Variants in LONRF2 observed in about 807,000 individuals in gnomAD.
LONRF2 encodes LON peptidase N-terminal domain and ring finger 2.
A neutral mutation model predicts 66.6 loss-of-function variants in LONRF2; 35 were observed. The observed-to-expected ratio is 0.53, with a 90% CI of 0.40 to 0.70. The LOEUF is 0.70. LONRF2 is among the 30% of genes least tolerant of loss of function. The pLI is 0.00. For synonymous variants in LONRF2, 417 were observed against 418.1 expected (o/e 1.00, Z 0.03); for missense variants, 902 against 1,002.1 (o/e 0.90, Z 1.35).
In LONRF2 at chr2:100,299,221, C is replaced by T; in HGVS notation, c.1361+5G>A. The T allele has an allele frequency of 1.3e-6, 2 of 1,574,422 alleles. No individual in the cohort carries two copies. Among genetic ancestry groups the T allele is most frequent in the Non-Finnish European group, 1.7e-6 (2 of 1,157,710 alleles). On this transcript the variant is annotated splice_donor_5th_base_variant and intron_variant, in intron 6 of 11. Transcript: ENST00000393437. ...AAGAGTTGCACGGATTCTGTACCAT[C>T]CTACCTCATGCAGAGGGCACACTCA...
At chr2:100,301,609 G>A (rs2105726516) in intron 3 of LONRF2, among the ~76,000 whole-genome samples, 1 of 152,330 alleles carries the variant, frequency 6.6e-6, no homozygotes, top group Non-Finnish European at 1.5e-5. Flanking sequence ...ATGTGAACAG[G>A]CTAACATTGT....
Position 100,277,407 on chromosome 2 carries a change from C to G in LONRF2, c.*6891G>C, listed in dbSNP as rs1674622073. On this transcript the variant is annotated 3_prime_UTR_variant, in exon 12 of 12. Transcript: ENST00000393437. ...ATCTCCAACTGTCCATTATAAACAC[C>G]TGACAAGCTCAGCAAAACTACCGAT... 6.6e-6 allele frequency: 1 copy of G among 152,298 alleles called. No homozygotes were observed. Among genetic ancestry groups the G allele is most frequent in the Admixed American group, 6.5e-5 (1 of 15,286 alleles). 9.4% of individuals were successfully genotyped at this position (152,298 alleles called of 1,614,324 possible).
chr2:100,297,741 G>C (rs565239178), intron 7 of LONRF2, among the ~76,000 whole-genome samples: 1 of 152,096 alleles, frequency 6.6e-6, no homozygotes, highest in Non-Finnish European at 1.5e-5. Flanking sequence ...GACACACAGC[G>C]CACAGCACAA....
intron 1 of LONRF2, 117 bp from the exon 2 acceptor site, chr2:100,309,342 T>C: frequency 2.2e-6 from 1 of 447,666 alleles, no homozygotes; most frequent in South Asian, 7.1e-5. Flanking sequence ...ATAAATACAA[T>C]ACAATACAAA....
chr2:100,311,728 A>G (rs1044887065), intron 1 of LONRF2, among the ~76,000 whole-genome samples: 1 of 152,182 alleles, frequency 6.6e-6, no homozygotes, highest in Non-Finnish European at 1.5e-5. Flanking sequence ...TTTCTCTCCC[A>G]TTCCTAGTTT....
chr2:100,291,759 T>C (rs1173793025), intron 9 of LONRF2, among the ~76,000 whole-genome samples: 5 of 152,066 alleles, frequency 3.3e-5, no homozygotes, highest in East Asian at 1.9e-4. Context: ...TCCTGCTCCA[T>C]GCTGCCCAGG....
At chr2:100,321,284 A>C in intron 1 of LONRF2, 131 bp downstream of exon 1, 1 of 802,356 alleles carries the variant, frequency 1.2e-6, no homozygotes, top group Non-Finnish European at 1.8e-6. Context: ...CATCCTTAGG[A>C]AGCAAAGTGA....
chr2:100,303,318 G>C (rs543703323), intron 2 of LONRF2, among the ~76,000 whole-genome samples: 15 of 152,320 alleles, frequency 9.8e-5, no homozygotes, highest in African/African-American at 3.6e-4. Flanking sequence ...GACGTGCTAA[G>C]AGAAAACTGG....
intron 7 of LONRF2, among the ~76,000 whole-genome samples, chr2:100,295,903 C>T (rs912408110): frequency 6.6e-6 from 1 of 152,188 alleles, no homozygotes; most frequent in Non-Finnish European, 1.5e-5. Flanking sequence ...AAGTGAAGAA[C>T]TGGAACTACT....
In LONRF2 at chr2:100,300,722, T is replaced by C; in HGVS notation, c.987A>G (p.Gln329=). The C allele has an allele frequency of 6.2e-7, 1 of 1,613,702 alleles. No individual in the cohort carries two copies. The highest frequency in any genetic ancestry group is 8.5e-7 in the Non-Finnish European group (1 of 1,179,878). The change falls in exon 4 of 12, where the codon CAA becomes CAG. Residue 329 remains glutamine, a synonymous_variant. Transcript: ENST00000393437. ...NVHENLTSSI[Q]SRLKAQGHSH... The stretch of plus-strand genomic sequence containing the variant: ...TGTGACCCTGAGCCTTTAATCTGCT[T>C]TGGATGGAAGATGTTAAATTTTCAT...
chr2:100,303,057 A>G lies in LONRF2; in HGVS notation c.799-14T>C, dbSNP rs1397539954. ...TACTTGATGTCCCTAGATTCACCGA[A>G]GACAAAGTGTACATTTTTAAAACCC... On this transcript the variant is annotated splice_polypyrimidine_tract_variant and intron_variant, in intron 2 of 11. Coordinates refer to ENST00000393437, the MANE Select transcript of LONRF2 (RefSeq NM_198461.4). 2 of 1,572,732 alleles carry G rather than the reference A, an allele frequency of 1.3e-6. No homozygotes were observed. Among genetic ancestry groups the G allele is most frequent in the African/African-American group, 2.7e-5 (2 of 73,296 alleles).
At position 100,284,313 on chromosome 2, in the gene LONRF2, C is replaced by T. The variant is rs1037533720; in HGVS notation, c.2250G>A (p.Arg750=). 5.8e-6 allele frequency: 9 copies of T among 1,545,274 alleles called. No homozygotes were observed. The highest frequency in any genetic ancestry group is 7.0e-6 in the Non-Finnish European group (8 of 1,141,510). The change falls in exon 12 of 12, where the codon AGG becomes AGA. Residue 750 remains arginine, a synonymous_variant. Transcript: ENST00000393437. ...GAGAGAAAAATCAATTATTTCTCTC[C>T]CTGGCATTAGCCAGCTCTTGCCGAC... The part of the protein sequence containing the change: ...MNSRQELANA[R]ERNN
At chr2:100,291,764 C>A (rs1674964389) in intron 9 of LONRF2, among the ~76,000 whole-genome samples, 1 of 152,088 alleles carries the variant, frequency 6.6e-6, no homozygotes, top group South Asian at 2.1e-4. Context: ...CTCCATGCTG[C>A]CCAGGGTGGT....
intron 1 of LONRF2, among the ~76,000 whole-genome samples, chr2:100,314,843 T>A (rs1208369693): frequency 1.3e-5 from 2 of 152,226 alleles, no homozygotes; most frequent in Non-Finnish European, 2.9e-5. Context: ...AGTTTCAATG[T>A]GTCTATTTTT....
intron 1 of LONRF2, among the ~76,000 whole-genome samples, chr2:100,316,631 CG>C (rs147249052): frequency 0.023 from 3,546 of 152,220 alleles, 152 homozygotes; most frequent in South Asian, 0.17. Flanking sequence ...CCAACTCCAA[CG>C]CTCTGCCTAT....
chr2:100,295,285 G>A (rs1031667473), intron 8 of LONRF2, 147 bp downstream of exon 8: 5 of 617,376 alleles, frequency 8.1e-6, no homozygotes, highest in African/African-American at 5.7e-5. Flanking sequence ...TTGCAATTAT[G>A]TTTCCAAAAA....
intron 1 of LONRF2, among the ~76,000 whole-genome samples, chr2:100,319,174 C>T (rs1309523407): frequency 6.7e-6 from 1 of 150,362 alleles, no homozygotes; most frequent in African/African-American, 2.4e-5. Context: ...TTTCTGATTC[C>T]AAACATCTGT....
intron 2 of LONRF2, among the ~76,000 whole-genome samples, chr2:100,306,925 CT>C (rs34262421): frequency 0.53 from 63,884 of 119,488 alleles, 16,105 homozygotes; most frequent in African/African-American, 0.72. Context: ...GAGTCTCGCT[CT>C]TTTTTTTTTT....
Position 100,284,216 on chromosome 2 carries a change from C to T in LONRF2, c.*82G>A. 1.5e-6 allele frequency: 2 copies of T among 1,298,174 alleles called. No individual in the cohort carries two copies. The highest frequency in any genetic ancestry group is 2.1e-6 in the Non-Finnish European group (2 of 970,676). 80.4% of individuals were successfully genotyped at this position (1,298,174 alleles called of 1,614,324 possible). ...CCTCATCCACAAGCACTTGATGAAG[C>T]ACAATGAATGGACGGCTATTCGTCC... On this transcript the variant is annotated 3_prime_UTR_variant, in exon 12 of 12. Coordinates refer to ENST00000393437, the MANE Select transcript of LONRF2 (RefSeq NM_198461.4).
Sources: allele counts gnomAD v4.1 joint callset (sites outside exome capture counted in the v4.1 genomes callset), GRCh38; gene constraint gnomAD v4.1.1; transcripts MANE v1.5; gene names NCBI Gene and HGNC (gene_info 2026-07-23, HGNC 2026-07-21).